Variants in TUB observed in about 807,000 individuals in gnomAD.
The protein encoded by TUB is TUB bipartite transcription factor.
A neutral mutation model predicts 59.7 loss-of-function variants in TUB; 33 were observed. The ratio of observed to expected loss-of-function variants is 0.55; its 90% confidence interval spans 0.42 to 0.74. The LOEUF is 0.74. TUB is among the 30% of genes least tolerant of loss of function. The pLI, the probability that TUB is intolerant of heterozygous loss-of-function variation, is 0.00. For missense variants in TUB, 659 were observed against 672.0 expected, an observed-to-expected ratio of 0.98 and a Z score of 0.21; for synonymous variants, 293 against 256.4, an observed-to-expected ratio of 1.14 and a Z score of -1.36.
At chr11:8,049,561 G>GTATA (rs372881525) in intron 2 of TUB, among the ~76,000 whole-genome samples, 22,033 of 123,960 alleles carry the variant, frequency 0.18, 2,542 homozygotes, top group Non-Finnish European at 0.2. Context: ...GTATTATGTG[G>GTATA]TATATATATA....
chr11:8,040,929 T>C (rs1378055961), intron 2 of TUB, among the ~76,000 whole-genome samples: 1 of 152,240 alleles, frequency 6.6e-6, no homozygotes, highest in Admixed American at 6.5e-5. Flanking sequence ...AAAACAGGCC[T>C]CAGGTTCTGA....
chr11:8,037,800 G>T (rs1247087231), upstream of TUB, among the ~76,000 whole-genome samples: 1 of 152,108 alleles, frequency 6.6e-6, no homozygotes, highest in Non-Finnish European at 1.5e-5. Flanking sequence ...AGGAAGTGGG[G>T]GTCTTCTGAA....
chr11:8,070,107 C>A (rs771691588), intron 2 of TUB, among the ~76,000 whole-genome samples: 4 of 152,172 alleles, frequency 2.6e-5, no homozygotes, highest in Non-Finnish European at 2.9e-5. Context: ...GGCTCGCCCT[C>A]CTTTCCTTAA....
intron 1 of TUB, among the ~76,000 whole-genome samples, chr11:8,088,306 G>T (rs1357491059): frequency 6.6e-6 from 1 of 152,190 alleles, no homozygotes; most frequent in Admixed American, 6.5e-5. Flanking sequence ...CCTTGGAGGT[G>T]CAAGTAGTTG....
intron 2 of TUB, among the ~76,000 whole-genome samples, chr11:8,069,882 AAG>A (rs950134623): frequency 2.0e-5 from 3 of 152,264 alleles, no homozygotes; most frequent in East Asian, 1.9e-4. Flanking sequence ...ACAGGCAAAA[AAG>A]AGAGTAGTGG....
chr11:8,091,590 A>G (rs1010634719), intron 3 of TUB, among the ~76,000 whole-genome samples: 10 of 152,242 alleles, frequency 6.6e-5, no homozygotes, highest in African/African-American at 2.4e-4. Context: ...TCTCTCCTCC[A>G]TATTATGTTG....
rs999244890 is a variant in TUB, at chr11:8,104,899, G to T, written c.*3280G>T. 2 of 150,050 alleles carry T rather than the reference G, an allele frequency of 1.3e-5. No individual in the cohort carries two copies. Among genetic ancestry groups the T allele is most frequent in the African/African-American group, 4.9e-5 (2 of 40,916 alleles). 9.3% of individuals were successfully genotyped at this position (150,050 alleles called of 1,614,324 possible). On this transcript the variant is annotated 3_prime_UTR_variant, in exon 12 of 12. Transcript: ENST00000299506. ...CGGAGCCTGCCTCCTTCAGTGACAA[G>T]TAGGGCACAAAATTCTAGAAGCAGA... is the stretch of plus-strand genomic sequence containing the variant.
chr11:8,021,785 G>C (rs1276347089), intron 1 of TUB, among the ~76,000 whole-genome samples: 1 of 151,842 alleles, frequency 6.6e-6, no homozygotes, highest in East Asian at 2.0e-4. Flanking sequence ...GCGTGGTGTC[G>C]GGCGCCTGTA....
chr11:8,089,683 T>A (rs974814015), intron 2 of TUB, 22 bp downstream of exon 2: 5 of 1,613,616 alleles, frequency 3.1e-6, no homozygotes, highest in African/African-American at 1.3e-5. Context: ...TGGGGCCGGG[T>A]AGAAGGGAAG....
Position 8,096,769 on chromosome 11 carries a change from C to A in TUB, c.650C>A (p.Thr217Asn), listed in dbSNP as rs778274498. The A allele has an allele frequency of 6.2e-7, 1 of 1,614,040 alleles. No homozygotes were observed. Among genetic ancestry groups the A allele is most frequent in the African/African-American group, 1.3e-5 (1 of 74,918 alleles). ...AGCTCCTCCCAGCTAAATAGTAACA[C>A]CCGCCCCAGCTCTGCTACTAGCAGG... ...SSSSSQLNSNTRPSSATSRKS... is the reference protein window; with the variant it reads ...SSSSSQLNSNNRPSSATSRKS... Residue 217 changes from threonine (T) to asparagine (N), a missense_variant, in exon 6 of 12, where the codon ACC becomes AAC. Transcript: ENST00000299506.
Position 8,100,844 on chromosome 11 carries a change from G to A in TUB, c.1234G>A (p.Ala412Thr), listed in dbSNP as rs1289199101. 2 of 1,614,056 alleles carry A rather than the reference G, an allele frequency of 1.2e-6. No individual in the cohort carries two copies. Among genetic ancestry groups the A allele is most frequent in the South Asian group, 1.1e-5 (1 of 91,082 alleles). The change falls in exon 11 of 12, where the codon GCA becomes ACA. Residue 412 changes from alanine to threonine, a missense_variant. Physicochemically the swap from Ala to Thr is moderately conservative, Grantham distance 58. Transcript: ENST00000299506. ...RPRNEHETLL[A>T]RWQNKNTESI... ...CTCCCAGGAGCATGAGACACTGCTA[G>A]CACGCTGGCAGAATAAGAACACGGA...
chr11:8,037,361 C>T (rs1942662928), upstream of TUB, among the ~76,000 whole-genome samples: 1 of 152,224 alleles, frequency 6.6e-6, no homozygotes, highest in African/African-American at 2.4e-5. Flanking sequence ...CAGCTGATGT[C>T]CGTGATTCTT....
At chr11:8,020,188 T>C (rs7109426) in intron 1 of TUB, among the ~76,000 whole-genome samples, 5,526 of 152,322 alleles carry the variant, frequency 0.036, 341 homozygotes, top group African/African-American at 0.13. Context: ...AGTAGTTTGT[T>C]TGTTTGTTGT....
intron 2 of TUB, among the ~76,000 whole-genome samples, chr11:8,039,875 G>A (rs1333797968): frequency 6.6e-6 from 1 of 152,176 alleles, no homozygotes; most frequent in Non-Finnish European, 1.5e-5. Flanking sequence ...TGCTCTTATT[G>A]TGTGTGACTA....
At chr11:8,079,110 G>A (rs1470095959), upstream of TUB, among the ~76,000 whole-genome samples, 1 of 152,144 alleles carries the variant, frequency 6.6e-6, no homozygotes, top group Non-Finnish European at 1.5e-5. Context: ...AATTACTCCA[G>A]GCTCCTGAGA....
At chr11:8,061,905 C>G (rs58140210) in intron 2 of TUB, among the ~76,000 whole-genome samples, 1 of 152,050 alleles carries the variant, frequency 6.6e-6, no homozygotes, top group Non-Finnish European at 1.5e-5. Context: ...AGATAGGGCT[C>G]AGAAAGTTGC....
At chr11:8,069,405 G>C (rs1025918410) in intron 2 of TUB, 1 of 149,576 alleles carries the variant, frequency 6.7e-6, no homozygotes, top group African/African-American at 2.5e-5. Context: ...CTTTCGGGGG[G>C]GGGGGGTAAT....
At chr11:8,096,616 A>C (rs1944004457) in intron 5 of TUB, 69 bp from the exon 6 acceptor site, 6 of 1,029,510 alleles carry the variant, frequency 5.8e-6, no homozygotes, top group Non-Finnish European at 9.2e-6. Flanking sequence ...TGAGTATGTG[A>C]CCATGTGTAT....
At chr11:8,040,435 G>A (rs1222427040) in intron 2 of TUB, among the ~76,000 whole-genome samples, 5 of 152,166 alleles carry the variant, frequency 3.3e-5, no homozygotes, top group African/African-American at 1.2e-4. Flanking sequence ...CCAGAGAAAT[G>A]GGGGGCACCT....
Sources: gnomAD v4.1 joint callset for allele counts (sites outside exome capture counted in the v4.1 genomes callset) on GRCh38, gnomAD v4.1.1 for gene constraint, MANE v1.5 for transcripts, NCBI Gene and HGNC (gene_info 2026-07-23, HGNC 2026-07-21) for gene names.